The following FGF1 variants were observed in gnomAD, a reference collection of about 807,000 sequenced individuals.
FGF1 encodes the protein fibroblast growth factor 1.
Under a neutral mutation model 13.4 loss-of-function variants are expected in FGF1, and 9 were observed. That is an observed-to-expected ratio of 0.67 (90% CI 0.40 to 1.17). The LOEUF (loss-of-function observed/expected upper bound fraction) is 1.17, where lower values mean the gene tolerates loss of function less well. Among genes scored for constraint, FGF1 ranks in the 50% most tolerant of loss-of-function variants. FGF1 has a pLI of 0.01. For synonymous variants in FGF1, 93 were observed against 79.0 expected, an observed-to-expected ratio of 1.18 and a Z score of -0.94; for missense variants, 156 against 192.7, an observed-to-expected ratio of 0.81 and a Z score of 1.13.
intron 1 of FGF1, among the ~76,000 whole-genome samples, chr5:142,651,502 C>T (rs935197533): frequency 6.6e-6 from 1 of 152,142 alleles, no homozygotes; most frequent in Admixed American, 6.5e-5. Context: ...ATCATTATCA[C>T]CCAGGGTCCA....
intron 1 of FGF1, among the ~76,000 whole-genome samples, chr5:142,661,738 G>A (rs1194972316): frequency 6.6e-6 from 1 of 152,118 alleles, no homozygotes; most frequent in Non-Finnish European, 1.5e-5. Context: ...GGCCGGGCGC[G>A]GTGGCTCACT....
At chr5:142,623,397 T>C (rs1761969655) in intron 1 of FGF1, among the ~76,000 whole-genome samples, 1 of 151,908 alleles carries the variant, frequency 6.6e-6, no homozygotes, top group African/African-American at 2.4e-5. Flanking sequence ...CAGGCTGAAG[T>C]GCAGTGGTGC....
rs1011019518 is a variant in FGF1 at position 142,597,399 on chromosome 5, G to A, written c.274-1915C>T. 5.3e-5 allele frequency among the ~76,000 whole-genome samples: 8 copies of A among 152,160 alleles called. No homozygotes were observed. In the South Asian group the frequency reaches 8.3e-4, roughly 16 times the overall value. Reference sequence around the variant, plus strand: ...AAGTGGGTAAAAGAATATCCGTACAGTAGAACCCAGTGCAGCTGTACATTT... The same window carrying A: ...AAGTGGGTAAAAGAATATCCGTACAATAGAACCCAGTGCAGCTGTACATTT... On this transcript the variant is annotated intron_variant, in intron 3 of 3. Coordinates refer to ENST00000337706, the MANE Select transcript of FGF1 (RefSeq NM_000800.5).
rs1216883940 is a variant in FGF1 at position 142,695,027 on chromosome 5, G to A, written c.-35+2595C>T. 2.6e-5 allele frequency among the ~76,000 whole-genome samples: 4 copies of A among 152,186 alleles called. No individual in the cohort carries two copies. The East Asian group carries it at 7.7e-4, about 29-fold the overall frequency. ...AGCAGGAAATTCTACTGATAGGTGT[G>A]TAAATGATTAGTGGAATAGGAAATG... On this transcript the variant is annotated intron_variant, in intron 2 of 4. Coordinates refer to the FGF1 transcript ENST00000407758.
At chr5:142,640,735 A>G (rs186941404) in intron 1 of FGF1, among the ~76,000 whole-genome samples, 1 of 152,006 alleles carries the variant, frequency 6.6e-6, no homozygotes. Context: ...ACCTGTCCTC[A>G]TCCCCACCAA....
upstream of FGF1, among the ~76,000 whole-genome samples, chr5:142,689,530 C>G (rs1751795497): frequency 6.6e-6 from 1 of 152,094 alleles, no homozygotes; most frequent in African/African-American, 2.4e-5. Flanking sequence ...CACCCTGATC[C>G]CACTGAAATC....
upstream of FGF1, among the ~76,000 whole-genome samples, chr5:142,689,919 T>C (rs541461384): frequency 1.8e-3 from 270 of 150,214 alleles, 1 homozygote; most frequent in African/African-American, 6.3e-3. Flanking sequence ...GCCAGAATGG[T>C]CTCGATCTCC....
At chr5:142,693,787 A>G (rs1752622744) in intron 2 of FGF1, among the ~76,000 whole-genome samples, 1 of 152,150 alleles carries the variant, frequency 6.6e-6, no homozygotes. Context: ...ATCAAACAAC[A>G]TGAGCATTTT....
intron 1 of FGF1, among the ~76,000 whole-genome samples, chr5:142,637,054 G>A (rs1458318914): frequency 6.6e-6 from 1 of 151,970 alleles, no homozygotes; most frequent in African/African-American, 2.4e-5. Flanking sequence ...AGATCAAGTG[G>A]TATATGTGGG....
chr5:142,675,896 C>A (rs1772487239), intron 1 of FGF1, among the ~76,000 whole-genome samples: 1 of 152,206 alleles, frequency 6.6e-6, no homozygotes, highest in Admixed American at 6.5e-5. Flanking sequence ...CACCCCCTGG[C>A]TGGTTGGGAA....
Position 142,666,164 on chromosome 5 carries a change from G to A in FGF1, c.-35+19793C>T, listed in dbSNP as rs189804931. Among the ~76,000 whole-genome samples, 103 of 151,020 alleles carry A rather than the reference G, an allele frequency of 6.8e-4. 1 individual carries two copies. The highest frequency in any genetic ancestry group is 2.4e-3 in the African/African-American group (97 of 40,948). On this transcript the variant is annotated intron_variant, in intron 1 of 3. Transcript: ENST00000337706. ...AACTTTACCCAGTGCTCACCCTTAA[G>A]GTCTTGTTATATTAGGGTGAAATCT...
intron 2 of FGF1, among the ~76,000 whole-genome samples, chr5:142,693,899 C>T (rs960290115): frequency 6.6e-6 from 1 of 152,140 alleles, no homozygotes; most frequent in Admixed American, 6.5e-5. Flanking sequence ...GGATACACCA[C>T]ATTTTATTTC....
At chr5:142,642,692 G>A (rs1765391821) in intron 1 of FGF1, among the ~76,000 whole-genome samples, 1 of 152,206 alleles carries the variant, frequency 6.6e-6, no homozygotes, top group Admixed American at 6.5e-5. Context: ...CGCTCACTGA[G>A]GTCTGTGAAG....
At chr5:142,634,131 T>TG (rs919705087) in intron 1 of FGF1, among the ~76,000 whole-genome samples, 13 of 148,926 alleles carry the variant, frequency 8.7e-5, no homozygotes, top group Admixed American at 6.8e-4. Flanking sequence ...AGGCGGAGCT[T>TG]GCAGTGAGCC....
rs1034704886 is a variant in FGF1 at position 142,593,984 on chromosome 5, T to C, written c.*1306A>G. 1.3e-5 allele frequency: 2 copies of C among 152,624 alleles called. No individual in the cohort carries two copies. The highest frequency in any genetic ancestry group is 2.9e-5 in the Non-Finnish European group (2 of 68,042). 9.5% of individuals were successfully genotyped at this position (152,624 alleles called of 1,614,324 possible). Reference sequence around the variant, plus strand: ...GTAAGGGTTTAACATTTTTGAAGTATGTTTTTGTATATCTTCGAAATGGGC... The same window carrying C: ...GTAAGGGTTTAACATTTTTGAAGTACGTTTTTGTATATCTTCGAAATGGGC... On this transcript the variant is annotated 3_prime_UTR_variant, in exon 4 of 4. Coordinates refer to ENST00000337706, the MANE Select transcript of FGF1 (RefSeq NM_000800.5).
At chr5:142,693,683 T>C (rs1752602232) in intron 2 of FGF1, among the ~76,000 whole-genome samples, 2 of 152,170 alleles carry the variant, frequency 1.3e-5, no homozygotes, top group African/African-American at 4.8e-5. Flanking sequence ...TAGCAGTTCA[T>C]TCCCCATTCC....
intron 1 of FGF1, among the ~76,000 whole-genome samples, chr5:142,656,460 A>G (rs1009904854): frequency 6.6e-6 from 1 of 152,218 alleles, no homozygotes; most frequent in Non-Finnish European, 1.5e-5. Flanking sequence ...ATAAGGGAAG[A>G]GCAGACCAAT....
At chr5:142,625,994 T>C (rs10070936) in intron 1 of FGF1, among the ~76,000 whole-genome samples, 8,754 of 152,290 alleles carry the variant, frequency 0.057, 570 homozygotes, top group East Asian at 0.23. Flanking sequence ...GGGCTTGCCC[T>C]ACCATTTGTT....
chr5:142,623,915 AC>A (rs1393577643), intron 1 of FGF1, among the ~76,000 whole-genome samples: 1 of 151,132 alleles, frequency 6.6e-6, no homozygotes, highest in Non-Finnish European at 1.5e-5. Flanking sequence ...TGCCTGGTTA[AC>A]TTTTTTTTGT....
Sources: gnomAD v4.1 joint callset for allele counts (sites outside exome capture counted in the v4.1 genomes callset) on GRCh38, gnomAD v4.1.1 for gene constraint, MANE v1.5 for transcripts, NCBI Gene and HGNC (gene_info 2026-07-23, HGNC 2026-07-21) for gene names.